The following NR3C2 variants were observed in gnomAD, a reference collection of about 807,000 sequenced individuals.
NR3C2 encodes mineralocorticoid receptor.
NR3C2 carries 15 observed loss-of-function variants against 86.4 expected under a neutral mutation model. That is an observed-to-expected ratio of 0.17 (90% confidence interval 0.12 to 0.27). NR3C2 has a LOEUF of 0.27. Among genes scored for constraint, NR3C2 ranks in the 10% least tolerant of loss-of-function variants. NR3C2 has a pLI of 1.00. For synonymous variants in NR3C2, 458 were observed against 450.5 expected, an observed-to-expected ratio of 1.02 and a Z score of -0.21; for missense variants, 960 against 1,195.6, an observed-to-expected ratio of 0.80 and a Z score of 2.91.
At position 148,412,821 on chromosome 4, in the gene NR3C2, G is replaced by GCACACA. The variant is rs370759208; in HGVS notation, c.1757+22277_1757+22282dup. On this transcript the variant is annotated intron_variant, in intron 2 of 8. Transcript: ENST00000358102. ...CGTGCATACACAGGTGCACATGTGC[G>GCACACA]CACACACACACACACACACACCCCT... Among the ~76,000 whole-genome samples, 414 of 116,048 alleles carry GCACACA rather than the reference G, an allele frequency of 3.6e-3. 1 individual carries two copies. The highest frequency in any genetic ancestry group is 7.7e-3 in the African/African-American group (275 of 35,632). The allele number at this position is 116,048 out of a possible 152,430, so 76.1% of individuals were successfully genotyped here.
chr4:148,345,386 G>A (rs1744938592), intron 2 of NR3C2, among the ~76,000 whole-genome samples: 2 of 151,654 alleles, frequency 1.3e-5, no homozygotes, highest in South Asian at 4.2e-4. Flanking sequence ...ACAATAATTG[G>A]CAAGAGTAAA....
chr4:148,324,041 C>A (rs557154686), intron 2 of NR3C2, among the ~76,000 whole-genome samples: 1 of 152,274 alleles, frequency 6.6e-6, no homozygotes, highest in East Asian at 1.9e-4. Context: ...AAATCTAAAT[C>A]CTGGTGCAAA....
Position 148,081,504 on chromosome 4 carries a change from AAC to A in NR3C2, c.2800-7_2800-6del. On this transcript the variant is annotated splice_polypyrimidine_tract_variant and splice_region_variant and intron_variant, in intron 8 of 8. Transcript: ENST00000358102. ...TTCCAGCAGGTCGCTCACCAGCTGT[AAC>A]ACAGACACAGGGGGCATGACACGGG... The A allele has an allele frequency of 1.2e-6, 2 of 1,613,724 alleles. No homozygotes were observed. Among genetic ancestry groups the A allele is most frequent in the South Asian group, 1.1e-5 (1 of 91,074 alleles).
At chr4:148,338,483 G>A (rs555366614) in intron 2 of NR3C2, among the ~76,000 whole-genome samples, 6 of 152,284 alleles carry the variant, frequency 3.9e-5, no homozygotes, top group Admixed American at 3.9e-4. Context: ...TGCCAGTGGT[G>A]TAAAAGTTTT....
At chr4:148,328,088 A>T (rs1167855305) in intron 2 of NR3C2, among the ~76,000 whole-genome samples, 2 of 152,016 alleles carry the variant, frequency 1.3e-5, no homozygotes, top group South Asian at 4.1e-4. Context: ...TGCTGCCAGG[A>T]CTCTGCCATT....
intron 8 of NR3C2, among the ~76,000 whole-genome samples, chr4:148,098,644 A>T (rs2149715056): frequency 6.6e-6 from 1 of 152,318 alleles, no homozygotes; most frequent in Non-Finnish European, 1.5e-5. Context: ...AAGTGCCCTG[A>T]GCATTGATTT....
At chr4:148,319,158 C>G (rs1167334509) in intron 2 of NR3C2, among the ~76,000 whole-genome samples, 2 of 151,156 alleles carry the variant, frequency 1.3e-5, no homozygotes, top group Non-Finnish European at 3.0e-5. Flanking sequence ...GCTCGTTTTT[C>G]TCAGGTTTGT....
intron 2 of NR3C2, among the ~76,000 whole-genome samples, chr4:148,364,118 T>C (rs1292641940): frequency 2.0e-5 from 3 of 152,220 alleles, no homozygotes; most frequent in Non-Finnish European, 4.4e-5. Flanking sequence ...GTATTTATGA[T>C]CTATATAAGA....
chr4:148,270,027 A>G (rs1358677872), intron 2 of NR3C2, among the ~76,000 whole-genome samples: 1 of 151,942 alleles, frequency 6.6e-6, no homozygotes, highest in African/African-American at 2.4e-5. Flanking sequence ...TGGGTACCGG[A>G]CCTAATGTGA....
chr4:148,348,542 A>G (rs1391518545), intron 2 of NR3C2, among the ~76,000 whole-genome samples: 1 of 152,162 alleles, frequency 6.6e-6, no homozygotes, highest in Non-Finnish European at 1.5e-5. Context: ...GAGAAATCTT[A>G]TTCTTCTCTG....
intron 8 of NR3C2, among the ~76,000 whole-genome samples, chr4:148,094,410 G>C (rs1208612385): frequency 6.6e-6 from 1 of 152,170 alleles, no homozygotes; most frequent in Non-Finnish European, 1.5e-5. Flanking sequence ...TGCTCAAATA[G>C]ATATTTGTAC....
chr4:148,337,546 TC>T (rs536243737), intron 2 of NR3C2, among the ~76,000 whole-genome samples: 118 of 152,350 alleles, frequency 7.7e-4, no homozygotes, highest in African/African-American at 2.8e-3. Flanking sequence ...GCATTGAGTT[TC>T]AAATATATTT....
At chr4:148,185,102 C>A (rs565397404) in intron 4 of NR3C2, among the ~76,000 whole-genome samples, 1 of 152,238 alleles carries the variant, frequency 6.6e-6, no homozygotes, top group Non-Finnish European at 1.5e-5. Context: ...AACACACACT[C>A]AGTAATCGCT....
intron 3 of NR3C2, among the ~76,000 whole-genome samples, chr4:148,202,793 C>T (rs968372301): frequency 6.6e-6 from 1 of 152,152 alleles, no homozygotes; most frequent in Non-Finnish European, 1.5e-5. Context: ...CCTCATCCCC[C>T]TTCCTCTGTA....
intron 2 of NR3C2, among the ~76,000 whole-genome samples, chr4:148,295,508 T>G (rs908091602): frequency 3.4e-5 from 5 of 149,138 alleles, no homozygotes; most frequent in Non-Finnish European, 7.4e-5. Flanking sequence ...TGGGCTGGTA[T>G]GTATGTCATT....
chr4:148,276,566 CTT>C (rs1345962388), intron 2 of NR3C2, among the ~76,000 whole-genome samples: 1 of 152,168 alleles, frequency 6.6e-6, no homozygotes, highest in Non-Finnish European at 1.5e-5. Flanking sequence ...TCCCAGCAAA[CTT>C]TACCCAAAAT....
At chr4:148,187,018 A>G (rs921668573) in intron 4 of NR3C2, among the ~76,000 whole-genome samples, 4 of 132,702 alleles carry the variant, frequency 3.0e-5, no homozygotes, top group Admixed American at 7.6e-5. Context: ...ATATATATAT[A>G]TATATATATA....
chr4:148,191,557 G>T (rs569732987), intron 4 of NR3C2, among the ~76,000 whole-genome samples: 16 of 152,228 alleles, frequency 1.1e-4, no homozygotes, highest in Admixed American at 2.6e-4. Flanking sequence ...AGTTTTTCTC[G>T]ATTATTCCCC....
chr4:148,258,752 C>A lies in NR3C2; in HGVS notation c.1897+1226G>T, dbSNP rs763254515. Among the ~76,000 whole-genome samples, 75 of 152,222 alleles carry A rather than the reference C, an allele frequency of 4.9e-4. 1 individual carries two copies. Among genetic ancestry groups the A allele is most frequent in the Non-Finnish European group, 1.6e-4 (11 of 68,050 alleles). ...CTGAGCGAGCGGGATTGAGTTCTAACGACCTGGCTTAAGACCATGGCTTGC... is the reference window on the plus strand; with the variant it reads ...CTGAGCGAGCGGGATTGAGTTCTAAAGACCTGGCTTAAGACCATGGCTTGC... On this transcript the variant is annotated intron_variant, in intron 3 of 8. Transcript: ENST00000358102.
Sources: allele counts gnomAD v4.1 joint callset (sites outside exome capture counted in the v4.1 genomes callset), GRCh38; gene constraint gnomAD v4.1.1; transcripts MANE v1.5; gene names NCBI Gene and HGNC (gene_info 2026-07-23, HGNC 2026-07-21).